The following CNST variants were observed in gnomAD, a reference collection of about 807,000 sequenced individuals.
The protein encoded by CNST is consortin.
In CNST, 39 loss-of-function variants were observed where a neutral mutation model predicts 72.4. The ratio of observed to expected loss-of-function variants is 0.54; its 90% confidence interval spans 0.42 to 0.70. The LOEUF is 0.70. CNST is among the 30% of genes least tolerant of loss of function. The pLI, the probability that CNST is intolerant of heterozygous loss-of-function variation, is 0.00. For missense variants in CNST, 871 were observed against 868.5 expected, an observed-to-expected ratio of 1.00 and a Z score of -0.04; for synonymous variants, 332 against 320.1, an observed-to-expected ratio of 1.04 and a Z score of -0.40.
At chr1:246,635,997 TTCCCCA>T (rs1665203758) in intron 6 of CNST, among the ~76,000 whole-genome samples, 1 of 152,212 alleles carries the variant, frequency 6.6e-6, no homozygotes, top group Non-Finnish European at 1.5e-5. Context: ...TAAGCCTGGG[TTCCCCA>T]TATCCAAAGG....
chr1:246,578,175 A>C (rs931829647), intron 1 of CNST, among the ~76,000 whole-genome samples: 1 of 152,080 alleles, frequency 6.6e-6, no homozygotes, highest in African/African-American at 2.4e-5. Context: ...CTCCTGCTGC[A>C]AGCATTCAAG....
At chr1:246,611,212 A>G (rs1374777842) in intron 2 of CNST, among the ~76,000 whole-genome samples, 7 of 152,178 alleles carry the variant, frequency 4.6e-5, no homozygotes, top group African/African-American at 1.7e-4. Flanking sequence ...AGGGCAAGTA[A>G]AAACACCCAA....
intron 3 of CNST, among the ~76,000 whole-genome samples, chr1:246,623,365 A>AT (rs1180510202): frequency 6.6e-6 from 1 of 152,212 alleles, no homozygotes; most frequent in Non-Finnish European, 1.5e-5. Flanking sequence ...TCTAAACAGA[A>AT]TTTGTCTCTA....
At chr1:246,611,590 T>A (rs954567615) in intron 2 of CNST, among the ~76,000 whole-genome samples, 3 of 152,352 alleles carry the variant, frequency 2.0e-5, no homozygotes, top group Admixed American at 2.0e-4. Flanking sequence ...AGTAATATTA[T>A]CTCTGTTTTA....
At position 246,641,766 on chromosome 1, in the gene CNST, ATAAGG is replaced by A. The variant is rs1365814184; in HGVS notation, c.840+1_840+5del. ...TCCTACAGTCCTCTTTTATCCAAAC[ATAAGG>A]TAAGAGATTGTTTCTTTTGAATATA... On this transcript the variant is annotated splice_donor_variant and coding_sequence_variant, in exon 7 of 11. Transcript: ENST00000366513. LOFTEE classifies it high-confidence loss of function. 7.4e-7 allele frequency: 1 copy of A among 1,356,484 alleles called. No individual in the cohort carries two copies. Among genetic ancestry groups the A allele is most frequent in the Non-Finnish European group, 1.0e-6 (1 of 957,030 alleles). 84.0% of individuals were successfully genotyped at this position (1,356,484 alleles called of 1,614,324 possible).
At chr1:246,644,151 A>G (rs905517802) in intron 8 of CNST, among the ~76,000 whole-genome samples, 7 of 152,202 alleles carry the variant, frequency 4.6e-5, no homozygotes, top group African/African-American at 1.4e-4. Context: ...CTGTAATCCC[A>G]GCACTTTGGG....
At chr1:246,627,948 T>C (rs1340802360) in intron 3 of CNST, among the ~76,000 whole-genome samples, 1 of 148,572 alleles carries the variant, frequency 6.7e-6, no homozygotes, top group Non-Finnish European at 1.5e-5. Context: ...GTTTATTAAG[T>C]ATTAACTCGC....
chr1:246,631,206 C>T (rs914820851), intron 3 of CNST, among the ~76,000 whole-genome samples: 3 of 152,184 alleles, frequency 2.0e-5, no homozygotes, highest in African/African-American at 7.2e-5. Flanking sequence ...TAGAATGAAT[C>T]TGATAACTGA....
At chr1:246,610,884 G>C (rs1663270742) in intron 2 of CNST, among the ~76,000 whole-genome samples, 1 of 152,062 alleles carries the variant, frequency 6.6e-6, no homozygotes, top group East Asian at 1.9e-4. Flanking sequence ...GATCTTCCTG[G>C]CTTTTCCCCC....
chr1:246,638,684 C>T (rs1317436749), intron 6 of CNST, among the ~76,000 whole-genome samples: 1 of 152,076 alleles, frequency 6.6e-6, no homozygotes, highest in Non-Finnish European at 1.5e-5. Flanking sequence ...ATAGCATAGC[C>T]AGCATGTCGG....
At chr1:246,637,478 C>T (rs768830931) in intron 6 of CNST, among the ~76,000 whole-genome samples, 4 of 152,140 alleles carry the variant, frequency 2.6e-5, no homozygotes, top group Non-Finnish European at 4.4e-5. Context: ...CTGGTGATGG[C>T]GGAGGCCCTA....
intron 2 of CNST, among the ~76,000 whole-genome samples, chr1:246,617,474 A>G (rs1663783863): frequency 6.6e-6 from 1 of 152,140 alleles, no homozygotes. Context: ...AAGTGACAAT[A>G]AAGCTGTTTT....
chr1:246,572,326 C>G (rs1174542594), intron 1 of CNST, among the ~76,000 whole-genome samples: 1 of 152,206 alleles, frequency 6.6e-6, no homozygotes, highest in Non-Finnish European at 1.5e-5. Context: ...TTTATAAGAT[C>G]AAATGCTGCT....
At chr1:246,653,840 C>T (rs943249503) in intron 9 of CNST, among the ~76,000 whole-genome samples, 6 of 152,154 alleles carry the variant, frequency 3.9e-5, no homozygotes, top group East Asian at 1.9e-4. Flanking sequence ...ATTGGTCTTA[C>T]GTTAGCACTC....
chr1:246,646,711 C>T (rs1255335496), intron 8 of CNST, among the ~76,000 whole-genome samples: 21 of 152,220 alleles, frequency 1.4e-4, no homozygotes, highest in Admixed American at 1.4e-3. Flanking sequence ...AATTCCCGAC[C>T]TCAGGTGATC....
chr1:246,621,380 C>T, intron 2 of CNST, 49 bp from the exon 3 acceptor site: 5 of 1,389,560 alleles, frequency 3.6e-6, no homozygotes, highest in Non-Finnish European at 5.1e-6. Flanking sequence ...ATGTGTTACA[C>T]CATCATGGGA....
chr1:246,606,600 T>TC (rs1447063723), intron 2 of CNST: 3 of 151,692 alleles, frequency 2.0e-5, no homozygotes, highest in Non-Finnish European at 4.4e-5. Flanking sequence ...CAGCCTGTAG[T>TC]CTAATTATTC....
At chr1:246,602,301 GT>G (rs1371085744) in intron 2 of CNST, among the ~76,000 whole-genome samples, 3 of 152,226 alleles carry the variant, frequency 2.0e-5, no homozygotes, top group African/African-American at 7.2e-5. Context: ...TCATCTCGTG[GT>G]TTTTGTGGGT....
At chr1:246,581,174 TTTC>T (rs1357228949) in intron 1 of CNST, among the ~76,000 whole-genome samples, 1 of 152,232 alleles carries the variant, frequency 6.6e-6, no homozygotes, top group Admixed American at 6.5e-5. Flanking sequence ...ATTGTATGCT[TTTC>T]TTCTTTAACC....
Sources: gnomAD v4.1 joint callset for allele counts (sites outside exome capture counted in the v4.1 genomes callset) on GRCh38, gnomAD v4.1.1 for gene constraint, MANE v1.5 for transcripts, NCBI Gene and HGNC (gene_info 2026-07-23, HGNC 2026-07-21) for gene names.